The following HMGN5 variants were observed in gnomAD, a reference collection of about 807,000 sequenced individuals.
The protein encoded by HMGN5 is high mobility group nucleosome-binding domain-containing protein 5.
In HMGN5, 4 loss-of-function variants were observed where a neutral mutation model predicts 9.5. That is an observed-to-expected ratio of 0.42 (90% CI 0.21 to 0.96). HMGN5 has a LOEUF of 0.96. Among genes scored for constraint, HMGN5 ranks in the 40% least tolerant of loss-of-function variants. The probability of loss-of-function intolerance (pLI) is 0.30; values close to 1 mark genes in which losing one functional copy is unlikely to be tolerated. For synonymous variants in HMGN5, 55 were observed against 57.1 expected, an observed-to-expected ratio of 0.96 and a Z score of 0.16; for missense variants, 192 against 187.5, an observed-to-expected ratio of 1.02 and a Z score of -0.14.
At chrX:81,130,610 T>C (rs1360140530) in intron 1 of HMGN5, among the ~76,000 whole-genome samples, 2 of 111,393 alleles carry the variant, frequency 1.8e-5, no homozygotes, top group African/African-American at 6.5e-5. Context: ...GAATTAATTA[T>C]GCTTGGTTTC....
At chrX:81,177,106 C>T (rs1375845647) in intron 1 of HMGN5, among the ~76,000 whole-genome samples, 2 of 109,516 alleles carry the variant, frequency 1.8e-5, no homozygotes, top group African/African-American at 6.7e-5. Context: ...AGAAGAAACC[C>T]TACAAGCCAG....
intron 1 of HMGN5, among the ~76,000 whole-genome samples, chrX:81,157,835 A>T: frequency 9.1e-6 from 1 of 110,261 alleles, no homozygotes; most frequent in Non-Finnish European, 1.9e-5. Context: ...GCTGGAGTGC[A>T]GTGGCGCAAT....
intron 1 of HMGN5, among the ~76,000 whole-genome samples, chrX:81,144,540 G>A (rs1377129561): frequency 9.0e-6 from 1 of 111,381 alleles, no homozygotes; most frequent in Non-Finnish European, 1.9e-5. Context: ...ACGAAGATGA[G>A]GAAAAACCAG....
At chrX:81,177,870 G>C (rs1461521441) in intron 1 of HMGN5, among the ~76,000 whole-genome samples, 1 of 111,996 alleles carries the variant, frequency 8.9e-6, no homozygotes, top group African/African-American at 3.3e-5. Context: ...CTGTCTCTCA[G>C]ACCACAGTGC....
chrX:81,155,742 T>G (rs942642449), intron 1 of HMGN5, among the ~76,000 whole-genome samples: 1 of 111,863 alleles, frequency 8.9e-6, no homozygotes, highest in African/African-American at 3.2e-5. Flanking sequence ...CCAGGGATTA[T>G]GAACAGGGTA....
chrX:81,127,033 C>T (rs1031652684), intron 1 of HMGN5, among the ~76,000 whole-genome samples: 2 of 111,513 alleles, frequency 1.8e-5, no homozygotes, highest in Admixed American at 1.9e-4. Flanking sequence ...TAACCTTCAT[C>T]CTCAACTTAT....
At position 81,188,796 on chromosome X, in the gene HMGN5, G is replaced by A. The variant is rs189050480; in HGVS notation, c.-124+12941C>T. ...CCAGCTTCATCCATGTCCCTACAAA[G>A]GACATGAACTCATCCTTTTTTATGG... On this transcript the variant is annotated intron_variant, in intron 1 of 6. Transcript: ENST00000358130. Among the ~76,000 whole-genome samples the A allele has an allele frequency of 6.5e-3, 717 of 111,019 alleles. 2 individuals are homozygous for A. The highest frequency in any genetic ancestry group is 0.011 in the Non-Finnish European group (604 of 53,001).
chrX:81,171,788 A>T (rs2075426477), intron 1 of HMGN5, among the ~76,000 whole-genome samples: 1 of 111,430 alleles, frequency 9.0e-6, no homozygotes, highest in African/African-American at 3.3e-5. Flanking sequence ...CCAACCCTTG[A>T]TCACTACATT....
intron 5 of HMGN5, among the ~76,000 whole-genome samples, chrX:81,117,649 A>G (rs1016237280): frequency 2.7e-5 from 3 of 110,159 alleles, no homozygotes; most frequent in African/African-American, 6.6e-5. Flanking sequence ...TAAAATGCAG[A>G]AAAAAAAACC....
chrX:81,148,228 A>C (rs2075350848), intron 1 of HMGN5, among the ~76,000 whole-genome samples: 1 of 111,822 alleles, frequency 8.9e-6, no homozygotes, highest in African/African-American at 3.3e-5. Flanking sequence ...CCTGACTTCA[A>C]ACTACTACTA....
chrX:81,170,423 T>C (rs1022574202), intron 1 of HMGN5, among the ~76,000 whole-genome samples: 31 of 111,972 alleles, frequency 2.8e-4, no homozygotes, highest in Non-Finnish European at 3.2e-4. Context: ...TCATGTAGCC[T>C]GTGAAATGAA....
chrX:81,190,487 A>G (rs1317556411), intron 1 of HMGN5, among the ~76,000 whole-genome samples: 1 of 110,844 alleles, frequency 9.0e-6, no homozygotes, highest in Non-Finnish European at 1.9e-5. Flanking sequence ...TATTCTTCCC[A>G]AACCCTCACC....
intron 1 of HMGN5, among the ~76,000 whole-genome samples, chrX:81,182,322 A>T (rs1175177449): frequency 9.0e-6 from 1 of 111,708 alleles, no homozygotes; most frequent in Non-Finnish European, 1.9e-5. Context: ...GAACTGTTTG[A>T]GCTCCTTATA....
intron 1 of HMGN5, among the ~76,000 whole-genome samples, chrX:81,140,335 C>T (rs189093485): frequency 0.011 from 1,234 of 110,169 alleles, 16 homozygotes; most frequent in African/African-American, 0.038. Flanking sequence ...CCGAGGCGGG[C>T]GGATCACGAG....
intron 1 of HMGN5, among the ~76,000 whole-genome samples, chrX:81,124,741 A>C (rs1014577174): frequency 1.3e-4 from 14 of 111,960 alleles, no homozygotes; most frequent in African/African-American, 4.5e-4. Flanking sequence ...GAGACTTTTT[A>C]CTGGACTATT....
Position 81,114,780 on chromosome X carries a change from C to T in HMGN5, c.718G>A (p.Glu240Lys). The change falls in exon 7 of 7, where the codon GAA becomes AAA. Residue 240 changes from glutamate (E) to lysine (K), a missense_variant. Coordinates refer to ENST00000358130, the MANE Select transcript of HMGN5 (RefSeq NM_030763.3). ...TCTTCCTCATTTCCACCTTCATCTT[C>T]TTTTCCATCTTCTCTCTCTTTTTCA... ...EDEKEREDGK[E>K]DEGGNEEEAG... 1.7e-6 allele frequency: 2 copies of T among 1,161,199 alleles called. No individual in the cohort carries two copies. Among genetic ancestry groups the T allele is most frequent in the South Asian group, 3.9e-5 (2 of 51,187 alleles).
chrX:81,121,621 A>C lies in HMGN5; in HGVS notation c.-72T>G. The stretch of plus-strand genomic sequence containing the variant: ...AAGGCAGTCACTGCCTGACTGCTCC[A>C]AGAGCAAATGAGTTTTCAATGAACT... On this transcript the variant is annotated 5_prime_UTR_variant, in exon 2 of 7. Transcript: ENST00000358130. 1 of 817,627 alleles carries C rather than the reference A, an allele frequency of 1.2e-6. No homozygotes were observed. The highest frequency in any genetic ancestry group is 2.6e-5 in the South Asian group (1 of 39,107). The allele number at this position is 817,627 out of a possible 1,213,427, so 67.4% of individuals were successfully genotyped here. A position where few individuals can be genotyped will look rare whatever the true frequency, so the allele number is the denominator to read the frequency against.
chrX:81,196,670 TAGCTGGG>T (rs2075509359), intron 1 of HMGN5, among the ~76,000 whole-genome samples: 1 of 110,313 alleles, frequency 9.1e-6, no homozygotes. Flanking sequence ...GCCTCCTGGG[TAGCTGGG>T]ATTACAGGCG....
At chrX:81,153,152 T>TA (rs1034735881) in intron 1 of HMGN5, among the ~76,000 whole-genome samples, 15 of 106,210 alleles carry the variant, frequency 1.4e-4, no homozygotes, top group African/African-American at 6.8e-5. Flanking sequence ...TAATAATAAT[T>TA]AAAAAAAATA....
Sources: gnomAD v4.1 joint callset for allele counts (sites outside exome capture counted in the v4.1 genomes callset) on GRCh38, gnomAD v4.1.1 for gene constraint, MANE v1.5 for transcripts, NCBI Gene and HGNC (gene_info 2026-07-23, HGNC 2026-07-21) for gene names.